The following DGKH variants were observed in gnomAD, a reference collection of about 807,000 sequenced individuals.
DGKH encodes the protein diacylglycerol kinase eta.
A neutral mutation model predicts 159.3 loss-of-function variants in DGKH; 90 were observed. The ratio of observed to expected loss-of-function variants is 0.57; its 90% CI spans 0.48 to 0.67. DGKH has a LOEUF of 0.67. Among genes scored for constraint, DGKH ranks in the 30% least tolerant of loss-of-function variants. The pLI is 0.00. For synonymous variants in DGKH, 536 were observed against 553.8 expected (o/e 0.97, Z 0.45); for missense variants, 1,181 against 1,506.1 (o/e 0.78, Z 3.57).
exon 31 of DGKH, chr13:42,256,517 A>T (rs1958658342): frequency 6.9e-6 from 6 of 867,086 alleles, no homozygotes; most frequent in Admixed American, 1.7e-5. Context: ...AACTAAGGAC[A>T]TGCTGAGTCC....
Position 42,207,115 on chromosome 13 carries a change from C to T in DGKH, c.2601+969C>T, listed in dbSNP as rs868255824. The stretch of plus-strand genomic sequence containing the variant: ...TTTCTTTCTTTCTTTCTTTCTTTCT[C>T]TTTCTCTCTCCTTCCTTCCTTCCTT... On this transcript the variant is annotated intron_variant, in intron 21 of 29. Transcript: ENST00000337343. Among the ~76,000 whole-genome samples, 67 of 49,156 alleles carry T rather than the reference C, an allele frequency of 1.4e-3. 2 individuals carry two copies. Among genetic ancestry groups the T allele is most frequent in the African/African-American group, 4.4e-3 (54 of 12,216 alleles). The allele number at this position is 49,156 out of a possible 152,430, so 32.2% of individuals were successfully genotyped here. A position where few individuals can be genotyped will look rare whatever the true frequency, so the allele number is the denominator to read the frequency against.
chr13:42,183,315 A>G (rs993404196), intron 13 of DGKH, among the ~76,000 whole-genome samples: 3 of 152,026 alleles, frequency 2.0e-5, no homozygotes, highest in Non-Finnish European at 2.9e-5. Flanking sequence ...TAAAAATTCT[A>G]TAATGGTTTC....
In DGKH at chr13:42,241,403, A is replaced by G. The variant is rs749364119; in HGVS notation, c.*12215A>G. 3 of 152,226 alleles carry G rather than the reference A, an allele frequency of 2.0e-5. No homozygotes were observed. Among genetic ancestry groups the G allele is most frequent in the Non-Finnish European group, 4.4e-5 (3 of 68,030 alleles). 9.4% of individuals were successfully genotyped at this position (152,226 alleles called of 1,614,324 possible). A position where few individuals can be genotyped will look rare whatever the true frequency, so the allele number is the denominator to read the frequency against. On this transcript the variant is annotated 3_prime_UTR_variant, in exon 30 of 30. Transcript: ENST00000337343. ...AAACTAACCAAATTATTTTATCATA[A>G]AGAGGTAATCCCATTTTTATGTCCA...
chr13:42,200,611 C>T (rs1257048194), intron 20 of DGKH, among the ~76,000 whole-genome samples: 2 of 152,194 alleles, frequency 1.3e-5, no homozygotes, highest in East Asian at 3.9e-4. Context: ...GCATATCATA[C>T]ATATAGAAAA....
chr13:42,213,416 T>C (rs1011648319), intron 24 of DGKH, among the ~76,000 whole-genome samples: 5 of 152,152 alleles, frequency 3.3e-5, no homozygotes, highest in Admixed American at 6.5e-5. Context: ...TAAATTACAT[T>C]AAAAATACCT....
chr13:42,075,112 A>C (rs542267220), intron 1 of DGKH, among the ~76,000 whole-genome samples: 7 of 152,334 alleles, frequency 4.6e-5, no homozygotes, highest in Admixed American at 4.6e-4. Flanking sequence ...TTGGATTGTT[A>C]TACAGATTAA....
chr13:42,216,760 T>C (rs1640023964), intron 26 of DGKH: 1 of 152,226 alleles, frequency 6.6e-6, no homozygotes, highest in South Asian at 2.1e-4. Flanking sequence ...GAAAACCTTT[T>C]ACGAAGAAAC....
At chr13:42,218,146 G>T (rs989698730) in intron 26 of DGKH, among the ~76,000 whole-genome samples, 2 of 152,184 alleles carry the variant, frequency 1.3e-5, no homozygotes, top group East Asian at 1.9e-4. Flanking sequence ...ACAAGGCCAG[G>T]AGTAGAATCC....
intron 20 of DGKH, 27 bp from the exon 21 acceptor site, chr13:42,206,012 C>CTT (rs34351817): frequency 4.3e-3 from 4,836 of 1,127,990 alleles, no homozygotes; most frequent in East Asian, 0.015. Flanking sequence ...CTAATCTCTA[C>CTT]TTTTTTTTTT....
At chr13:42,140,321 T>G (rs1955511865) in intron 3 of DGKH, 1 of 152,568 alleles carries the variant, frequency 6.6e-6, no homozygotes, top group African/African-American at 2.4e-5. Flanking sequence ...TCCCAGTGCA[T>G]GGCCACGTGC....
intron 12 of DGKH, among the ~76,000 whole-genome samples, chr13:42,176,659 A>G (rs1956611734): frequency 6.6e-6 from 1 of 152,200 alleles, no homozygotes; most frequent in South Asian, 2.1e-4. Flanking sequence ...CTTTGTGGGG[A>G]AGGCTTATTC....
chr13:42,207,716 TCAGTAA>T (rs1957544146), intron 21 of DGKH, among the ~76,000 whole-genome samples: 1 of 145,882 alleles, frequency 6.9e-6, no homozygotes, highest in South Asian at 2.1e-4. Flanking sequence ...TATATATATA[TCAGTAA>T]AAATGAGAAG....
At chr13:42,248,544 A>G (rs1038330083) in intron 29 of DGKH, among the ~76,000 whole-genome samples, 2 of 147,254 alleles carry the variant, frequency 1.4e-5, no homozygotes, top group Non-Finnish European at 3.0e-5. Flanking sequence ...ATAATTATTT[A>G]AATTATATTG....
At chr13:42,147,244 G>C (rs989465867) in intron 3 of DGKH, among the ~76,000 whole-genome samples, 1 of 152,164 alleles carries the variant, frequency 6.6e-6, no homozygotes, top group African/African-American at 2.4e-5. Flanking sequence ...GTGAAAAGAA[G>C]ACTTCAGGTC....
At chr13:42,108,342 A>AG (rs1954800053) in intron 1 of DGKH, among the ~76,000 whole-genome samples, 1 of 152,182 alleles carries the variant, frequency 6.6e-6, no homozygotes, top group Non-Finnish European at 1.5e-5. Context: ...GGAAAATAAA[A>AG]GATAGGTTGG....
Position 42,131,555 on chromosome 13 carries a change from G to A in DGKH, c.384+1923G>A, listed in dbSNP as rs75839119. Among the ~76,000 whole-genome samples, 650 of 152,336 alleles carry A rather than the reference G, an allele frequency of 4.3e-3. 5 individuals carry two copies. The highest frequency in any genetic ancestry group is 0.015 in the African/African-American group (618 of 41,564). ...GTTATTTGCTGTGAGTGAAAGTTGA[G>A]GATGGTTAATAGTGGCTTCTATAGA... On this transcript the variant is annotated intron_variant, in intron 3 of 29. Transcript: ENST00000337343.
chr13:42,173,958 T>C lies in DGKH; in HGVS notation c.1368-102T>C, dbSNP rs569975046. ...GTTCATGAATGTGTGTGTGTGTGTG[T>C]GCGTGCGTGTGTGTGTGTGTGTGTG... is the stretch of plus-strand genomic sequence containing the variant. On this transcript the variant is annotated intron_variant, in intron 11 of 29. Coordinates refer to ENST00000337343, the MANE Select transcript of DGKH (RefSeq NM_178009.5). 1.1e-4 allele frequency: 75 copies of C among 672,298 alleles called. No homozygotes were observed. In the Middle Eastern group the frequency reaches 2.8e-3, roughly 25 times the overall value. The allele number at this position is 672,298 out of a possible 1,614,324, so 41.6% of individuals were successfully genotyped here.
At chr13:42,202,781 G>A (rs953392056) in intron 20 of DGKH, among the ~76,000 whole-genome samples, 2 of 152,178 alleles carry the variant, frequency 1.3e-5, no homozygotes, top group Non-Finnish European at 2.9e-5. Context: ...TACTTTTAGA[G>A]TAGAAACACC....
intron 29 of DGKH, among the ~76,000 whole-genome samples, chr13:42,250,265 G>T (rs1290646042): frequency 1.3e-5 from 2 of 150,184 alleles, no homozygotes; most frequent in Admixed American, 1.3e-4. Context: ...CCCCACGACC[G>T]GCCACTCCAG....
Sources: allele counts gnomAD v4.1 joint callset (sites outside exome capture counted in the v4.1 genomes callset), GRCh38; gene constraint gnomAD v4.1.1; transcripts MANE v1.5; gene names NCBI Gene and HGNC (gene_info 2026-07-23, HGNC 2026-07-21).